The following PGCKA1 variants were observed in gnomAD, a reference collection of about 807,000 sequenced individuals.
PGCKA1 encodes the protein PDCD10 and GCKIII kinases associated 1.
the PGCKA1 span, among the ~76,000 whole-genome samples, chr4:37,508,924 A>T: frequency 8.8e-5 from 9 of 102,486 alleles, no homozygotes; most frequent in South Asian, 9.4e-4. Context: ...AACAAAGCAC[A>T]TCTTGCACCG....
chr4:37,575,380 C>T, the PGCKA1 span, among the ~76,000 whole-genome samples: 1 of 152,030 alleles, frequency 6.6e-6, no homozygotes, highest in Non-Finnish European at 1.5e-5. Context: ...ATACTGTTTG[C>T]CATTTGTATG....
At chr4:37,522,321 C>T in the PGCKA1 span, among the ~76,000 whole-genome samples, 1 of 152,118 alleles carries the variant, frequency 6.6e-6, no homozygotes, top group Non-Finnish European at 1.5e-5. Context: ...CTTCCCTCAC[C>T]TTTCCAAAGG....
chr4:37,514,536 T>A, the PGCKA1 span, among the ~76,000 whole-genome samples: 1 of 152,114 alleles, frequency 6.6e-6, no homozygotes, highest in Non-Finnish European at 1.5e-5. Context: ...ATACTTTGAC[T>A]GAGACCTACA....
chr4:37,461,096 CT>C, the PGCKA1 span: 1 of 194,752 alleles, frequency 5.1e-6, no homozygotes, highest in South Asian at 7.7e-5. Flanking sequence ...ATAGGGAATT[CT>C]TTCCCCATTG....
At chr4:37,566,658 A>C in the PGCKA1 span, among the ~76,000 whole-genome samples, 2 of 152,200 alleles carry the variant, frequency 1.3e-5, no homozygotes, top group Non-Finnish European at 2.9e-5. Flanking sequence ...ATCTTGGCTC[A>C]CTGCAACCTC....
chr4:37,503,301 T>G, the PGCKA1 span, among the ~76,000 whole-genome samples: 2 of 152,174 alleles, frequency 1.3e-5, no homozygotes, highest in African/African-American at 4.8e-5. Flanking sequence ...CTCAGCTTCC[T>G]CCCACCTCAG....
At chr4:37,494,284 C>G in the PGCKA1 span, among the ~76,000 whole-genome samples, 2 of 152,298 alleles carry the variant, frequency 1.3e-5, no homozygotes, top group Non-Finnish European at 2.9e-5. Flanking sequence ...CCCTTCTACC[C>G]TGCACCCTCC....
the PGCKA1 span, among the ~76,000 whole-genome samples, chr4:37,548,182 TAAAA>T: frequency 6.6e-6 from 1 of 151,684 alleles, no homozygotes; most frequent in Non-Finnish European, 1.5e-5. Context: ...AAAAAAGTTA[TAAAA>T]AAAAGTTATG....
the PGCKA1 span, among the ~76,000 whole-genome samples, chr4:37,546,267 A>G: frequency 2.0e-5 from 3 of 152,238 alleles, no homozygotes; most frequent in African/African-American, 7.2e-5. Context: ...AAAACAAGGA[A>G]GTGAAATCAA....
chr4:37,495,698 G>A, the PGCKA1 span, among the ~76,000 whole-genome samples: 17 of 152,146 alleles, frequency 1.1e-4, no homozygotes, highest in South Asian at 4.2e-4. Flanking sequence ...ATCACACACC[G>A]GGCCTATCGG....
the PGCKA1 span, among the ~76,000 whole-genome samples, chr4:37,505,418 T>A: frequency 6.6e-6 from 1 of 152,216 alleles, no homozygotes; most frequent in Non-Finnish European, 1.5e-5. Flanking sequence ...GGTTTTGGTA[T>A]CAGAGTAATA....
chr4:37,473,476 T>C, the PGCKA1 span, among the ~76,000 whole-genome samples: 1 of 152,218 alleles, frequency 6.6e-6, no homozygotes, highest in East Asian at 1.9e-4. Context: ...TGTCTACTAC[T>C]TTAACCAAGT....
chr4:37,530,971 C>T, the PGCKA1 span, among the ~76,000 whole-genome samples: 7,098 of 151,776 alleles, frequency 0.047, 591 homozygotes, highest in African/African-American at 0.16. Flanking sequence ...GGCGACAGAA[C>T]GAGACTCTGT....
chr4:37,479,774 G>A, the PGCKA1 span, among the ~76,000 whole-genome samples: 1 of 152,086 alleles, frequency 6.6e-6, no homozygotes, highest in Non-Finnish European at 1.5e-5. Context: ...TTCTCATCCT[G>A]GAAGCAAAGG....
the PGCKA1 span, among the ~76,000 whole-genome samples, chr4:37,459,900 A>G: frequency 6.6e-6 from 1 of 150,958 alleles, no homozygotes; most frequent in African/African-American, 2.4e-5. Flanking sequence ...ATAGGTAAAC[A>G]TGTGCCATGG....
chr4:37,488,372 T>G, the PGCKA1 span, among the ~76,000 whole-genome samples: 5 of 152,152 alleles, frequency 3.3e-5, no homozygotes, highest in Non-Finnish European at 7.4e-5. Flanking sequence ...TGATAGCTGG[T>G]GGCCCCACAG....
At chr4:37,454,708 G>A in the PGCKA1 span, among the ~76,000 whole-genome samples, 2 of 152,220 alleles carry the variant, frequency 1.3e-5, no homozygotes, top group African/African-American at 2.4e-5. Context: ...TGGTTACTTA[G>A]GTTGCATTGA....
chr4:37,470,796 TGAA>T, the PGCKA1 span, among the ~76,000 whole-genome samples: 3 of 152,238 alleles, frequency 2.0e-5, no homozygotes, highest in African/African-American at 7.2e-5. Context: ...TTACATTGTT[TGAA>T]GAATCTTATT....
At chr4:37,499,782 T>C in the PGCKA1 span, among the ~76,000 whole-genome samples, 1 of 152,120 alleles carries the variant, frequency 6.6e-6, no homozygotes, top group African/African-American at 2.4e-5. Flanking sequence ...TGAATGGTTT[T>C]TCATCTCTCA....
Sources: allele counts gnomAD v4.1 joint callset (sites outside exome capture counted in the v4.1 genomes callset), GRCh38; gene constraint gnomAD v4.1.1; transcripts MANE v1.5; gene names NCBI Gene and HGNC (gene_info 2026-07-23, HGNC 2026-07-21).